The following RBFOX1 variants were observed in gnomAD, a reference collection of about 807,000 sequenced individuals.
RBFOX1 encodes RNA binding protein fox-1 homolog 1.
In RBFOX1, 8 loss-of-function variants were observed where a neutral mutation model predicts 57.7. The observed-to-expected ratio is 0.14, with a 90% confidence interval of 0.08 to 0.25. The LOEUF is 0.25. Among genes scored for constraint, RBFOX1 ranks in the 10% least tolerant of loss-of-function variants. RBFOX1 has a pLI of 1.00. For synonymous variants in RBFOX1, 326 were observed against 222.4 expected (o/e 1.47, Z -4.15); for missense variants, 611 against 548.5 (o/e 1.11, Z -1.14).
rs148323547 is a variant in RBFOX1 at position 6,057,362 on chromosome 16, C to G, written c.-127+37370C>G. Among the ~76,000 whole-genome samples, 437 of 152,030 alleles carry G rather than the reference C, an allele frequency of 2.9e-3. 4 individuals carry two copies. The highest frequency in any genetic ancestry group is 0.01 in the African/African-American group (427 of 41,478). ...CTGTTTATTAATAAGCTCCAAACCCCAAAGGATCCTTCTAATCCTATTCTA... is the reference window on the plus strand; with the variant it reads ...CTGTTTATTAATAAGCTCCAAACCCGAAAGGATCCTTCTAATCCTATTCTA... On this transcript the variant is annotated intron_variant, in intron 1 of 15. Coordinates refer to ENST00000550418, the MANE Select transcript of RBFOX1 (RefSeq NM_018723.4).
At chr16:7,633,068 A>G (rs1224388965) in intron 11 of RBFOX1, among the ~76,000 whole-genome samples, 2 of 152,220 alleles carry the variant, frequency 1.3e-5, no homozygotes, top group Non-Finnish European at 2.9e-5. Context: ...AAGCCAGCCC[A>G]TGGCCTGTGT....
chr16:5,843,109 G>C (rs908268865), intron 3 of RBFOX1, among the ~76,000 whole-genome samples: 2 of 152,192 alleles, frequency 1.3e-5, no homozygotes, highest in East Asian at 1.9e-4. Flanking sequence ...TTACAGGCGT[G>C]AGCCACCACG....
chr16:6,327,274 C>T (rs993685548), intron 2 of RBFOX1, among the ~76,000 whole-genome samples: 1 of 152,030 alleles, frequency 6.6e-6, no homozygotes, highest in African/African-American at 2.4e-5. Flanking sequence ...ATAATGGCCA[C>T]ACAATATAAC....
chr16:7,354,695 A>G (rs1218376201), intron 4 of RBFOX1, among the ~76,000 whole-genome samples: 2 of 152,196 alleles, frequency 1.3e-5, no homozygotes, highest in Non-Finnish European at 2.9e-5. Flanking sequence ...CTCTCTGGAA[A>G]CATACTGTGC....
rs375515262 is a variant in RBFOX1, at chr16:6,816,639, C to G, written c.-16+161989C>G. Among the ~76,000 whole-genome samples, 16 of 150,466 alleles carry G rather than the reference C, an allele frequency of 1.1e-4. 1 individual carries two copies. The highest frequency in any genetic ancestry group is 3.9e-4 in the African/African-American group (16 of 40,878). On this transcript the variant is annotated intron_variant, in intron 3 of 15. Coordinates refer to ENST00000550418, the MANE Select transcript of RBFOX1 (RefSeq NM_018723.4). Reference sequence around the variant, plus strand: ...CCTGTAGTCCCAGCTGCTTGGGAGGCTGAGGCAGGAGAATGGCGTGAACCC... The same window carrying G: ...CCTGTAGTCCCAGCTGCTTGGGAGGGTGAGGCAGGAGAATGGCGTGAACCC...
chr16:6,761,833 C>T (rs901390904), intron 3 of RBFOX1, among the ~76,000 whole-genome samples: 1 of 151,936 alleles, frequency 6.6e-6, no homozygotes, highest in Non-Finnish European at 1.5e-5. Context: ...ACTACGCCAT[C>T]CAGACTCCAG....
chr16:5,740,089 G>A (rs1406523826), intron 3 of RBFOX1, among the ~76,000 whole-genome samples: 1 of 152,158 alleles, frequency 6.6e-6, no homozygotes, highest in Non-Finnish European at 1.5e-5. Context: ...GTTGGCAGTG[G>A]AGCCTCGTCC....
chr16:6,070,808 C>G (rs1049077533), intron 1 of RBFOX1, among the ~76,000 whole-genome samples: 2 of 151,528 alleles, frequency 1.3e-5, no homozygotes, highest in African/African-American at 2.4e-5. Flanking sequence ...ATTATACACA[C>G]ACACGCTCGC....
At chr16:7,610,118 C>T (rs926963549) in intron 10 of RBFOX1, among the ~76,000 whole-genome samples, 3 of 65,620 alleles carry the variant, frequency 4.6e-5, no homozygotes, top group South Asian at 6.2e-4. Flanking sequence ...GCCCGGCCCC[C>T]TTTTTTTTTT....
intron 4 of RBFOX1, among the ~76,000 whole-genome samples, chr16:5,880,846 A>C (rs2057744261): frequency 6.6e-6 from 1 of 152,250 alleles, no homozygotes; most frequent in Non-Finnish European, 1.5e-5. Flanking sequence ...AATAAATTAA[A>C]ACATGATTCA....
intron 12 of RBFOX1, among the ~76,000 whole-genome samples, chr16:7,664,120 C>T (rs2068539155): frequency 6.6e-6 from 1 of 152,098 alleles, no homozygotes; most frequent in African/African-American, 2.4e-5. Context: ...ATGTATACAC[C>T]CTTGTACATA....
chr16:7,440,785 C>G (rs1567180114), intron 4 of RBFOX1, among the ~76,000 whole-genome samples: 3 of 152,222 alleles, frequency 2.0e-5, no homozygotes, highest in Non-Finnish European at 4.4e-5. Flanking sequence ...AACTTCATCC[C>G]TTCCTCTCTA....
In RBFOX1 at chr16:7,668,580, C is replaced by A. The variant is rs183837840; in HGVS notation, c.930+3612C>A. ...AGGCACAGTGTGGTTGGCTACTCAT[C>A]GGAGGTGATGCGGGGGTTGTCTGAG... On this transcript the variant is annotated intron_variant, in intron 13 of 15. Transcript: ENST00000550418. Among the ~76,000 whole-genome samples the A allele has an allele frequency of 5.9e-5, 9 of 152,074 alleles. 1 individual carries two copies. The highest frequency in any genetic ancestry group is 2.2e-4 in the African/African-American group (9 of 41,482).
chr16:6,577,458 C>T (rs12933081), intron 2 of RBFOX1: 61,696 of 152,006 alleles, frequency 0.41, 14,047 homozygotes, highest in East Asian at 0.67. Flanking sequence ...TCCAACTCTC[C>T]AGTTTGTATC....
At chr16:5,813,630 G>C (rs1320865359) in intron 3 of RBFOX1, among the ~76,000 whole-genome samples, 2 of 152,320 alleles carry the variant, frequency 1.3e-5, no homozygotes, top group Non-Finnish European at 1.5e-5. Flanking sequence ...TGAGTTTTAA[G>C]TGTTCTTTAT....
At chr16:5,571,260 AC>A (rs1226201021) in intron 2 of RBFOX1, among the ~76,000 whole-genome samples, 1 of 118,492 alleles carries the variant, frequency 8.4e-6, no homozygotes, top group East Asian at 2.5e-4. Flanking sequence ...ACACTGTGTC[AC>A]CCAGGCTGGA....
rs564628820 is a variant in RBFOX1 at position 6,444,836 on chromosome 16, C to T, written c.-64+127779C>T. On this transcript the variant is annotated intron_variant, in intron 2 of 15. Transcript: ENST00000550418. Reference sequence around the variant, plus strand: ...AATGCAGAGATGACCTTCTGAAGGGCTGGGGCTTGGTTCTGTGTGAGAACA... The same window carrying T: ...AATGCAGAGATGACCTTCTGAAGGGTTGGGGCTTGGTTCTGTGTGAGAACA... Among the ~76,000 whole-genome samples the T allele has an allele frequency of 1.1e-4, 17 of 152,182 alleles. No individual in the cohort carries two copies. In the South Asian group the frequency reaches 3.3e-3, roughly 30 times the overall value.
At chr16:7,524,313 A>C (rs2078189144) in intron 5 of RBFOX1, among the ~76,000 whole-genome samples, 1 of 152,186 alleles carries the variant, frequency 6.6e-6, no homozygotes, top group African/African-American at 2.4e-5. Context: ...ATGCAGACAG[A>C]AAAGACTTAC....
intron 4 of RBFOX1, among the ~76,000 whole-genome samples, chr16:7,356,131 T>C (rs2097210268): frequency 6.6e-6 from 1 of 152,198 alleles, no homozygotes; most frequent in Non-Finnish European, 1.5e-5. Context: ...GGTCAGTATG[T>C]TCATCCAATC....
Sources: gnomAD v4.1 joint callset for allele counts (sites outside exome capture counted in the v4.1 genomes callset) on GRCh38, gnomAD v4.1.1 for gene constraint, MANE v1.5 for transcripts, NCBI Gene and HGNC (gene_info 2026-07-23, HGNC 2026-07-21) for gene names.